The following ADAMTSL1 variants were observed in gnomAD, a reference collection of about 807,000 sequenced individuals.
ADAMTSL1 encodes the protein ADAMTS like 1.
A neutral mutation model predicts 201.8 loss-of-function variants in ADAMTSL1; 126 were observed. The ratio of observed to expected loss-of-function variants is 0.62; its 90% CI spans 0.54 to 0.72. The LOEUF is 0.72. ADAMTSL1 is among the 30% of genes least tolerant of loss of function. The probability of loss-of-function intolerance (pLI) is 0.00; values close to 1 mark genes in which losing one functional copy is unlikely to be tolerated. For missense variants in ADAMTSL1, 2,679 were observed against 2,277.8 expected (o/e 1.18, Z -3.59); for synonymous variants, 1,121 against 903.4 (o/e 1.24, Z -4.32).
At chr9:18,374,157 A>G (rs980864051) in intron 2 of ADAMTSL1, among the ~76,000 whole-genome samples, 2 of 152,170 alleles carry the variant, frequency 1.3e-5, no homozygotes, top group African/African-American at 2.4e-5. Context: ...TAGGCAGCAC[A>G]GATTTGGAAC....
intron 2 of ADAMTSL1, among the ~76,000 whole-genome samples, chr9:18,211,547 A>G (rs993284003): frequency 6.6e-6 from 1 of 152,218 alleles, no homozygotes; most frequent in Non-Finnish European, 1.5e-5. Flanking sequence ...CCTCTACTTC[A>G]GGGACTGAAA....
intron 2 of ADAMTSL1, among the ~76,000 whole-genome samples, chr9:18,248,802 T>G (rs1430414301): frequency 1.3e-5 from 2 of 152,170 alleles, no homozygotes; most frequent in Non-Finnish European, 2.9e-5. Flanking sequence ...CCTCAATCTC[T>G]CTCTCTCACT....
chr9:18,281,677 C>T (rs1832794943), intron 2 of ADAMTSL1, among the ~76,000 whole-genome samples: 1 of 152,188 alleles, frequency 6.6e-6, no homozygotes, highest in Non-Finnish European at 1.5e-5. Context: ...CCTCAAAGGG[C>T]TCAGACAACC....
intron 2 of ADAMTSL1, among the ~76,000 whole-genome samples, chr9:18,431,120 G>A (rs925626928): frequency 6.6e-6 from 1 of 152,180 alleles, no homozygotes; most frequent in African/African-American, 2.4e-5. Flanking sequence ...CCACACCTGT[G>A]CCATCAAACC....
chr9:18,027,748 A>G (rs1421501194), intron 1 of ADAMTSL1, among the ~76,000 whole-genome samples: 2 of 152,040 alleles, frequency 1.3e-5, no homozygotes. Flanking sequence ...TCAAGTATAG[A>G]ATTTAAGTCT....
intron 7 of ADAMTSL1, among the ~76,000 whole-genome samples, chr9:18,652,657 C>G (rs1828368616): frequency 6.6e-6 from 1 of 151,952 alleles, no homozygotes; most frequent in South Asian, 2.1e-4. Context: ...CAATTGTAGC[C>G]CAGCACATTT....
chr9:17,976,173 G>T (rs1478038588), intron 1 of ADAMTSL1, among the ~76,000 whole-genome samples: 1 of 151,988 alleles, frequency 6.6e-6, no homozygotes, highest in South Asian at 2.1e-4. Context: ...TTCCAGCTTT[G>T]TTCTTGTTCA....
chr9:18,255,110 A>G (rs1275150346), intron 2 of ADAMTSL1, among the ~76,000 whole-genome samples: 1 of 152,064 alleles, frequency 6.6e-6, no homozygotes, highest in East Asian at 1.9e-4. Context: ...AATAAACTTG[A>G]TATTGTTTGA....
chr9:18,014,157 A>C (rs1191965905), intron 1 of ADAMTSL1, among the ~76,000 whole-genome samples: 1 of 151,916 alleles, frequency 6.6e-6, no homozygotes, highest in East Asian at 1.9e-4. Context: ...TCAACCCCAA[A>C]ACCTGTGGCT....
chr9:18,508,546 G>T (rs879838173), intron 2 of ADAMTSL1, among the ~76,000 whole-genome samples: 21 of 152,248 alleles, frequency 1.4e-4, no homozygotes, highest in Admixed American at 6.5e-4. Context: ...TTGTTTTCTT[G>T]ATAATTTTTA....
chr9:18,131,766 A>C (rs373610076), intron 1 of ADAMTSL1, among the ~76,000 whole-genome samples: 1 of 152,198 alleles, frequency 6.6e-6, no homozygotes, highest in East Asian at 1.9e-4. Flanking sequence ...AAACAGTGAA[A>C]TAGAAGGGCC....
intron 14 of ADAMTSL1, among the ~76,000 whole-genome samples, chr9:18,714,774 A>T (rs544340660): frequency 6.6e-6 from 1 of 152,178 alleles, no homozygotes; most frequent in Non-Finnish European, 1.5e-5. Context: ...CTGATACCAA[A>T]GCCGGGCAGA....
In ADAMTSL1 at chr9:18,819,050, C is replaced by T. The variant is rs563036408; in HGVS notation, c.3934+1813C>T. ...TAGAGCCCTTTCTGCAGAACCATCA[C>T]CCCTCAACACACACCTGATCACTAT... On this transcript the variant is annotated intron_variant, in intron 21 of 28. Coordinates refer to ENST00000380548, the MANE Select transcript of ADAMTSL1 (RefSeq NM_001040272.6). Among the ~76,000 whole-genome samples, 19 of 152,276 alleles carry T rather than the reference C, an allele frequency of 1.2e-4. No homozygotes were observed. In the East Asian group the frequency reaches 3.7e-3, roughly 29 times the overall value.
chr9:18,532,691 G>A (rs575294598), intron 2 of ADAMTSL1, among the ~76,000 whole-genome samples: 4 of 151,796 alleles, frequency 2.6e-5, no homozygotes, highest in Non-Finnish European at 5.9e-5. Flanking sequence ...GTCTTTAGAT[G>A]AGGCAACTAC....
At chr9:18,601,292 T>G (rs10810993) in intron 4 of ADAMTSL1, among the ~76,000 whole-genome samples, 1 of 152,014 alleles carries the variant, frequency 6.6e-6, no homozygotes, top group Non-Finnish European at 1.5e-5. Context: ...ACATCAACTA[T>G]GTATTTAGCA....
chr9:18,288,421 G>C (rs1374974532), intron 2 of ADAMTSL1, among the ~76,000 whole-genome samples: 1 of 152,126 alleles, frequency 6.6e-6, no homozygotes, highest in African/African-American at 2.4e-5. Context: ...TAGCAGTTCT[G>C]AATTTCTCAA....
At chr9:18,178,721 T>G (rs1310362135) in intron 2 of ADAMTSL1, among the ~76,000 whole-genome samples, 1 of 151,984 alleles carries the variant, frequency 6.6e-6, no homozygotes, top group East Asian at 1.9e-4. Context: ...CCCTGACCCC[T>G]GACCCCCGAG....
At chr9:18,504,576 T>A (rs1823019757) in intron 1 of ADAMTSL1, among the ~76,000 whole-genome samples, 2 of 152,184 alleles carry the variant, frequency 1.3e-5, no homozygotes, top group South Asian at 4.1e-4. Flanking sequence ...GTTTCTGGCT[T>A]CCTTTTCCAT....
chr9:18,887,630 A>G (rs1828982663), intron 23 of ADAMTSL1, among the ~76,000 whole-genome samples: 1 of 152,236 alleles, frequency 6.6e-6, no homozygotes, highest in Non-Finnish European at 1.5e-5. Flanking sequence ...ACTTAATTGA[A>G]TGAATCATAG....
Sources: allele counts gnomAD v4.1 joint callset (sites outside exome capture counted in the v4.1 genomes callset), GRCh38; gene constraint gnomAD v4.1.1; transcripts MANE v1.5; gene names NCBI Gene and HGNC (gene_info 2026-07-23, HGNC 2026-07-21).